The following MEGF11 variants were observed in gnomAD, a reference collection of about 807,000 sequenced individuals.
The protein encoded by MEGF11 is multiple EGF like domains 11, also known as multiple epidermal growth factor-like domains protein 11.
Under a neutral mutation model 146.6 loss-of-function variants are expected in MEGF11, and 126 were observed. The ratio of observed to expected loss-of-function variants is 0.86; its 90% CI spans 0.74 to 1.00. The LOEUF (loss-of-function observed/expected upper bound fraction) is 1.00. Ranked by LOEUF, MEGF11 falls within the 50% of genes least tolerant of loss-of-function variation. The pLI is 0.00. For synonymous variants in MEGF11, 532 were observed against 583.4 expected, an observed-to-expected ratio of 0.91 and a Z score of 1.27; for missense variants, 1,509 against 1,521.2, an observed-to-expected ratio of 0.99 and a Z score of 0.13.
intron 5 of MEGF11, among the ~76,000 whole-genome samples, chr15:66,084,602 G>A (rs561254299): frequency 2.6e-5 from 4 of 152,342 alleles, no homozygotes; most frequent in Non-Finnish European, 5.9e-5. Context: ...GCTGAATCAA[G>A]TTAGAGAGCC....
Position 66,124,061 on chromosome 15 carries a change from C to T in MEGF11, c.99-61G>A, listed in dbSNP as rs561279844. Reference sequence around the variant, plus strand: ...CACTTGGGAAGCTGAGCTGATATTCCGCAGGGCATCTGAGCCCACAGCCCT... The same window carrying T: ...CACTTGGGAAGCTGAGCTGATATTCTGCAGGGCATCTGAGCCCACAGCCCT... On this transcript the variant is annotated intron_variant, in intron 2 of 25. Coordinates refer to ENST00000395614, the MANE Select transcript of MEGF11 (RefSeq NM_001385028.1). 1.1e-4 allele frequency: 146 copies of T among 1,371,598 alleles called. No homozygotes were observed. The East Asian group carries it at 2.3e-3, about 22-fold the overall frequency. 85.0% of individuals were successfully genotyped at this position (1,371,598 alleles called of 1,614,324 possible).
chr15:66,076,018 A>G (rs1014959466), intron 5 of MEGF11, among the ~76,000 whole-genome samples: 1 of 152,226 alleles, frequency 6.6e-6, no homozygotes, highest in Non-Finnish European at 1.5e-5. Flanking sequence ...AGTGTCTGGC[A>G]CATGGAAAGG....
intron 1 of MEGF11, among the ~76,000 whole-genome samples, chr15:66,235,592 C>G (rs1200851600): frequency 6.6e-6 from 1 of 152,132 alleles, no homozygotes; most frequent in Non-Finnish European, 1.5e-5. Flanking sequence ...GGGGTCTCAA[C>G]TACCCAGGAT....
At chr15:66,221,301 C>T (rs1234214937) in intron 1 of MEGF11, among the ~76,000 whole-genome samples, 1 of 152,060 alleles carries the variant, frequency 6.6e-6, no homozygotes, top group Non-Finnish European at 1.5e-5. Flanking sequence ...GCACGCCTGC[C>T]TCCCTCCCAC....
chr15:66,219,631 C>A (rs372452692), intron 1 of MEGF11, among the ~76,000 whole-genome samples: 7 of 152,216 alleles, frequency 4.6e-5, no homozygotes, highest in African/African-American at 1.4e-4. Context: ...AATGGTATAG[C>A]CACTCTGGAA....
At chr15:66,039,182 A>G (rs1304217219) in intron 5 of MEGF11, among the ~76,000 whole-genome samples, 1 of 152,212 alleles carries the variant, frequency 6.6e-6, no homozygotes, top group African/African-American at 2.4e-5. Context: ...CACTCCACCG[A>G]AAAACATCGC....
chr15:65,925,344 C>T (rs1269311345), intron 13 of MEGF11, among the ~76,000 whole-genome samples: 1 of 152,202 alleles, frequency 6.6e-6, no homozygotes, highest in Admixed American at 6.5e-5. Flanking sequence ...CAAAGTCCCA[C>T]TGGGTTCTAG....
chr15:66,175,345 A>G lies in MEGF11; in HGVS notation c.-8-46934T>C, dbSNP rs75194730. Among the ~76,000 whole-genome samples, 108 of 152,340 alleles carry G rather than the reference A, an allele frequency of 7.1e-4. No homozygotes were observed. In the East Asian group the frequency reaches 0.018, roughly 25 times the overall value. On this transcript the variant is annotated intron_variant, in intron 1 of 25. Coordinates refer to ENST00000395614, the MANE Select transcript of MEGF11 (RefSeq NM_001385028.1). ...ACCCGAAAATGCGTATGGAGCCACA[A>G]AAGACCCTGAAGAGCCAAAACAATC...
intron 5 of MEGF11, among the ~76,000 whole-genome samples, chr15:66,046,149 C>G (rs1272167669): frequency 6.6e-6 from 1 of 152,130 alleles, no homozygotes; most frequent in Non-Finnish European, 1.5e-5. Context: ...GCAACTGAGG[C>G]TCAGAAAGGT....
At chr15:66,207,595 T>C (rs1417591161) in intron 1 of MEGF11, among the ~76,000 whole-genome samples, 4 of 152,180 alleles carry the variant, frequency 2.6e-5, no homozygotes, top group Admixed American at 2.6e-4. Context: ...ATAAGTAACT[T>C]GAATCCACGT....
chr15:65,992,459 G>T lies in MEGF11; in HGVS notation c.395-9971C>A, dbSNP rs562260210. On this transcript the variant is annotated intron_variant, in intron 5 of 25. Coordinates refer to ENST00000395614, the MANE Select transcript of MEGF11 (RefSeq NM_001385028.1). ...CCTCTGTGTGTGTGTGTGGGGGGGG[G>T]GGTTAGTCACATCCTGAGGCACTAT... 2.9e-4 allele frequency among the ~76,000 whole-genome samples: 42 copies of T among 145,720 alleles called. 2 individuals are homozygous for T. The South Asian group carries it at 9.6e-3, about 33-fold the overall frequency.
At chr15:66,009,264 TA>T (rs1491242585) in intron 5 of MEGF11, among the ~76,000 whole-genome samples, 2 of 115,696 alleles carry the variant, frequency 1.7e-5, no homozygotes, top group Admixed American at 9.2e-5. Flanking sequence ...TTTTTTTTTT[TA>T]AATAGCACAT....
Position 65,897,883 on chromosome 15 carries a change from C to G in MEGF11, c.*51G>C, listed in dbSNP as rs2078387716. ...TTCAAGTCAAGGGACTGTCTTCTTT[C>G]AGAGTCAGAATATTCAGTAGAGCAC... On this transcript the variant is annotated 3_prime_UTR_variant, in exon 26 of 26. Coordinates refer to ENST00000395614, the MANE Select transcript of MEGF11 (RefSeq NM_001385028.1). The G allele has an allele frequency of 1.3e-6, 2 of 1,549,168 alleles. No homozygotes were observed. The highest frequency in any genetic ancestry group is 1.8e-6 in the Non-Finnish European group (2 of 1,139,514).
Position 65,917,989 on chromosome 15 carries a change from C to T in MEGF11, c.2063G>A (p.Trp688Ter). ...IDGSCQCFPG[W>*]IGKDCSQACP... is the part of the protein sequence containing the mutation. ...ACCCTGTGAGCAGTCCTTGCCAATC[C>T]ATCCAGGAAAGCACTGGCAGGAGCC... Residue 688 changes from tryptophan (W) to a stop codon, truncating the protein, a stop_gained, in exon 16 of 26, where the codon TGG becomes TAG. Coordinates refer to ENST00000395614, the MANE Select transcript of MEGF11 (RefSeq NM_001385028.1). LOFTEE classifies it high-confidence loss of function. The T allele has an allele frequency of 3.7e-6, 6 of 1,614,022 alleles. No homozygotes were observed. The highest frequency in any genetic ancestry group is 5.1e-6 in the Non-Finnish European group (6 of 1,179,892).
chr15:66,161,426 C>G (rs2089948985), intron 1 of MEGF11, among the ~76,000 whole-genome samples: 1 of 152,074 alleles, frequency 6.6e-6, no homozygotes, highest in Admixed American at 6.5e-5. Context: ...TGCTCTATCA[C>G]CCAGGCTGGA....
chr15:65,948,099 A>G (rs2141421134), intron 10 of MEGF11, among the ~76,000 whole-genome samples: 1 of 151,560 alleles, frequency 6.6e-6, no homozygotes, highest in East Asian at 1.9e-4. Flanking sequence ...CCCCCTGGTG[A>G]CTCCCTTTGT....
chr15:66,190,470 G>A (rs1432582041), intron 1 of MEGF11, among the ~76,000 whole-genome samples: 2 of 152,184 alleles, frequency 1.3e-5, no homozygotes, highest in Non-Finnish European at 2.9e-5. Flanking sequence ...TGTGACCAAG[G>A]AAGGAAACAG....
At chr15:65,929,955 C>T in intron 11 of MEGF11, 72 bp from the exon 12 acceptor site, 6 of 1,426,012 alleles carry the variant, frequency 4.2e-6, no homozygotes, top group Non-Finnish European at 5.7e-6. Context: ...CTCCCCCCAG[C>T]TCTGCACACA....
Position 65,982,284 on chromosome 15 carries a change from CG to C in MEGF11, c.598del (p.Arg200AlafsTer87). 1 of 1,540,488 alleles carries C rather than the reference CG, an allele frequency of 6.5e-7. No individual in the cohort carries two copies. On this transcript the variant is annotated frameshift_variant, in exon 6 of 26. Transcript: ENST00000395614. LOFTEE classifies it high-confidence loss of function. This position sits in a 1 kb window ranked among gnomAD's most constrained non-coding sequence, Gnocchi z 5.6. Reference sequence around the variant, plus strand: ...AGGTGCGCAGAGGCACTCGCCGGCGCGGGGGTCGCAGCTGGCACCGTGTCGG... The same window carrying C: ...AGGTGCGCAGAGGCACTCGCCGGCGCGGGGTCGCAGCTGGCACCGTGTCGG... ...QCRHGASCDP[R>X]AGECLCAPGY...
Sources: allele counts gnomAD v4.1 joint callset (sites outside exome capture counted in the v4.1 genomes callset), GRCh38; gene constraint gnomAD v4.1.1; non-coding constraint Gnocchi (gnomAD v3.1); transcripts MANE v1.5; gene names NCBI Gene and HGNC (gene_info 2026-07-23, HGNC 2026-07-21).